Variants in SKOR2 observed in about 807,000 individuals in gnomAD.
SKOR2 encodes LBX1 corepressor 1-like protein.
SKOR2 carries 47 observed loss-of-function variants against 69.1 expected under a neutral mutation model. That is an observed-to-expected ratio of 0.68 (90% CI 0.54 to 0.87). The LOEUF is 0.87. Ranked by LOEUF, SKOR2 falls within the 40% of genes least tolerant of loss-of-function variation. The pLI is 0.00. For synonymous variants in SKOR2, 717 were observed against 672.6 expected, an observed-to-expected ratio of 1.07 and a Z score of -1.02; for missense variants, 1,404 against 1,472.2, an observed-to-expected ratio of 0.95 and a Z score of 0.76.
Position 47,233,178 on chromosome 18 carries a change from C to G in SKOR2, c.2753-2178G>C, listed in dbSNP as rs1244579645. ...CATCCCTAAGTTCCTTAATAGCAAG[C>G]ATCTTCTCTAATATCCAGATCAGAT... On this transcript the variant is annotated intron_variant, in intron 4 of 8. Transcript: ENST00000425639. Among the ~76,000 whole-genome samples the G allele has an allele frequency of 2.0e-5, 3 of 152,188 alleles. No individual in the cohort carries two copies. The East Asian group carries it at 5.8e-4, about 29-fold the overall frequency.
intron 4 of SKOR2, among the ~76,000 whole-genome samples, chr18:47,242,810 A>C (rs1568089714): frequency 6.6e-6 from 1 of 152,192 alleles, no homozygotes; most frequent in Non-Finnish European, 1.5e-5. Context: ...GAAGTCAAAA[A>C]CAAATTAAAA....
At chr18:47,241,688 T>C (rs2064249521) in intron 4 of SKOR2, among the ~76,000 whole-genome samples, 1 of 152,094 alleles carries the variant, frequency 6.6e-6, no homozygotes, top group African/African-American at 2.4e-5. Flanking sequence ...GATTCCAAGA[T>C]AAAGTTAACA....
At chr18:47,244,285 G>T (rs1312679030) in intron 4 of SKOR2, among the ~76,000 whole-genome samples, 1 of 152,076 alleles carries the variant, frequency 6.6e-6, no homozygotes, top group Non-Finnish European at 1.5e-5. Flanking sequence ...TCAATTAACC[G>T]TGAATAGTCA....
At chr18:47,218,757 T>A (rs912274111) in intron 7 of SKOR2, among the ~76,000 whole-genome samples, 1 of 152,124 alleles carries the variant, frequency 6.6e-6, no homozygotes, top group African/African-American at 2.4e-5. Flanking sequence ...TATCAAGGAA[T>A]CAAAAGCTAA....
rs1238457360 is a variant in SKOR2, at chr18:47,247,557, C to T, written c.1627G>A (p.Gly543Ser). 11 of 1,231,050 alleles carry T rather than the reference C, an allele frequency of 8.9e-6. No individual in the cohort carries two copies. In the East Asian group the frequency reaches 3.3e-4, roughly 37 times the overall value. The allele number at this position is 1,231,050 out of a possible 1,614,324, so 76.3% of individuals were successfully genotyped here. A position where few individuals can be genotyped will look rare whatever the true frequency, so the allele number is the denominator to read the frequency against. The change falls in exon 2 of 9, where the codon GGC becomes AGC. Residue 543 changes from glycine to serine, a missense_variant. Physicochemically the swap from Gly to Ser is moderately conservative, Grantham distance 56 (BLOSUM62 0). Coordinates refer to ENST00000425639, the MANE Select transcript of SKOR2 (RefSeq NM_001278063.4). The surrounding 1 kb of genome is among the most constrained non-coding windows in gnomAD (Gnocchi z 6.6). ...GCGCCCCCGGCAGGAGGAGGTGGGC[C>T]GGAGCCCGGGCCGTTGGCCACTACC... is the stretch of plus-strand genomic sequence containing the variant. The part of the protein sequence containing the change: ...PQVVANGPGS[G>S]PPPPAGGAGS...
intron 7 of SKOR2, among the ~76,000 whole-genome samples, chr18:47,214,363 T>C (rs1400103674): frequency 6.6e-6 from 1 of 152,150 alleles, no homozygotes; most frequent in Non-Finnish European, 1.5e-5. Flanking sequence ...ATAAGCATAT[T>C]TGAGTCCCAA....
At position 47,248,973 on chromosome 18, in the gene SKOR2, G is replaced by C. The variant is rs749588770; in HGVS notation, c.211C>G (p.Leu71Val). 1 of 1,570,372 alleles carries C rather than the reference G, an allele frequency of 6.4e-7. No individual in the cohort carries two copies. The highest frequency in any genetic ancestry group is 8.6e-7 in the Non-Finnish European group (1 of 1,165,230). The change falls in exon 2 of 9, where the codon CTG (leucine) becomes GTG (valine). Residue 71 changes from leucine (L) to valine (V), a missense_variant. This residue lies in a region of SKOR2 where 104 missense variants were observed against 95.7 expected (regional missense o/e 1.09). Transcript: ENST00000425639. This position sits in a 1 kb window ranked among gnomAD's most constrained non-coding sequence, Gnocchi z 6.4. The stretch of plus-strand genomic sequence containing the variant: ...TCGTTGTAGCTGAAGTTCTTGAGCA[G>C]AGTGTTGGAGATCTGCGCCAGGCAC... The part of the protein sequence containing the change: ...RLCLAQISNT[L>V]LKNFSYNEIH...
At chr18:47,243,933 T>C (rs2064259782) in intron 4 of SKOR2, among the ~76,000 whole-genome samples, 1 of 152,164 alleles carries the variant, frequency 6.6e-6, no homozygotes, top group South Asian at 2.1e-4. Context: ...CGAATATTGA[T>C]CAACACTTAT....
rs1213726834 is a variant in SKOR2 at position 47,247,947 on chromosome 18, C to T, written c.1237G>A (p.Ala413Thr). ...CACAAGCTGAAGGCGGCGGCCGCGG[C>T]AGGGAAGGTGTAGGGGTGCGGGAAG... ...GLFPHPYTFP[A>T]AAAAFSLCHK... Residue 413 changes from alanine to threonine, a missense_variant, in exon 2 of 9, where the codon GCC (alanine) becomes ACC (threonine). Transcript: ENST00000425639. This position sits in a 1 kb window ranked among gnomAD's most constrained non-coding sequence, Gnocchi z 6.6. 5.1e-6 allele frequency: 7 copies of T among 1,363,904 alleles called. No homozygotes were observed. The highest frequency in any genetic ancestry group is 5.6e-6 in the Non-Finnish European group (6 of 1,065,714). The allele number at this position is 1,363,904 out of a possible 1,614,324, so 84.5% of individuals were successfully genotyped here. A position where few individuals can be genotyped will look rare whatever the true frequency, so the allele number is the denominator to read the frequency against.
chr18:47,225,312 A>G (rs1015611094), intron 6 of SKOR2, among the ~76,000 whole-genome samples: 1 of 152,174 alleles, frequency 6.6e-6, no homozygotes, highest in South Asian at 2.1e-4. Context: ...CAGTTCTTGT[A>G]AGTGCCATGA....
intron 1 of SKOR2, among the ~76,000 whole-genome samples, chr18:47,250,482 A>G (rs1391747617): frequency 9.2e-5 from 14 of 152,266 alleles, no homozygotes. Context: ...TCTCAAGCGC[A>G]TTGGCCAAGG....
intron 5 of SKOR2, 120 bp from the exon 6 acceptor site, chr18:47,230,677 T>G: frequency 2.9e-6 from 2 of 692,290 alleles, no homozygotes; most frequent in Non-Finnish European, 4.4e-6. Context: ...AAGTGTTGCA[T>G]AGACATAGGA....
chr18:47,233,119 A>G (rs1186784972), intron 4 of SKOR2, among the ~76,000 whole-genome samples: 2 of 152,198 alleles, frequency 1.3e-5, no homozygotes, highest in Non-Finnish European at 2.9e-5. Flanking sequence ...GGACATATGC[A>G]TCATTAGAGG....
intron 4 of SKOR2, among the ~76,000 whole-genome samples, chr18:47,242,179 C>T (rs576959299): frequency 6.6e-6 from 1 of 152,156 alleles, no homozygotes; most frequent in South Asian, 2.1e-4. Flanking sequence ...AAAACAAACC[C>T]CTCTTAAAGC....
chr18:47,225,875 G>T (rs1443357999), intron 6 of SKOR2, among the ~76,000 whole-genome samples: 2 of 152,078 alleles, frequency 1.3e-5, no homozygotes, highest in African/African-American at 4.8e-5. Context: ...TGGGGGAGGG[G>T]CACACAATTA....
rs1260354883 is a variant in SKOR2 at position 47,251,577 on chromosome 18, C to T, written c.-251G>A. 1 of 152,212 alleles carries T rather than the reference C, an allele frequency of 6.6e-6. No homozygotes were observed. 9.4% of individuals were successfully genotyped at this position (152,212 alleles called of 1,614,324 possible). On this transcript the variant is annotated 5_prime_UTR_variant, in exon 1 of 9. Coordinates refer to ENST00000425639, the MANE Select transcript of SKOR2 (RefSeq NM_001278063.4). The stretch of plus-strand genomic sequence containing the variant: ...ACGGCCTGAATTGCGGCGGGGCGTC[C>T]CCTCCACCGCAGAAAGTGTGGGTAC...
rs1464931780 is a variant in SKOR2, at chr18:47,247,298, C to T, written c.1886G>A (p.Gly629Asp). 1.1e-5 allele frequency: 16 copies of T among 1,482,404 alleles called. No homozygotes were observed. Among genetic ancestry groups the T allele is most frequent in the Non-Finnish European group, 1.3e-5 (15 of 1,122,390 alleles). The allele number at this position is 1,482,404 out of a possible 1,614,324, so 91.8% of individuals were successfully genotyped here. Residue 629 changes from glycine to aspartate, a missense_variant, in exon 2 of 9, where the codon GGC (glycine) becomes GAC (aspartate). Coordinates refer to ENST00000425639, the MANE Select transcript of SKOR2 (RefSeq NM_001278063.4). This position sits in a 1 kb window ranked among gnomAD's most constrained non-coding sequence, Gnocchi z 6.6. ...GGCCAGGCTCTCCGCGTCGTCCTTG[C>T]CGCCCACTGGCCGGAAGGCGCTGGA... is the stretch of plus-strand genomic sequence containing the variant. ...HHSSAFRPVG[G>D]KDDAESLAKL...
chr18:47,247,583 T>G lies in SKOR2; in HGVS notation c.1601A>C (p.Gln534Pro). Residue 534 changes from glutamine (Q) to proline (P), a missense_variant, in exon 2 of 9, where the codon CAG (glutamine) becomes CCG (proline). By Grantham distance (76) the Gln-to-Pro change is moderately conservative. Around this residue, in one of 3 missense-constraint regions of SKOR2, gnomAD observed 1,266 missense variants for 1,309.9 expected, o/e 0.97. Coordinates refer to ENST00000425639, the MANE Select transcript of SKOR2 (RefSeq NM_001278063.4). The surrounding 1 kb of genome is among the most constrained non-coding windows in gnomAD (Gnocchi z 6.6). ...GGAGCCCGGGCCGTTGGCCACTACC[T>G]GCGGGGGCTGCCCCGGCGGGGGCGC... ...EAAPPPGQPP[Q>P]VVANGPGSGP... 8.0e-7 allele frequency: 1 copy of G among 1,257,344 alleles called. No individual in the cohort carries two copies. The highest frequency in any genetic ancestry group is 1.0e-6 in the Non-Finnish European group (1 of 1,003,572). The allele number at this position is 1,257,344 out of a possible 1,614,324, so 77.9% of individuals were successfully genotyped here. A position where few individuals can be genotyped will look rare whatever the true frequency, so the allele number is the denominator to read the frequency against.
chr18:47,231,610 G>C (rs1003792228), intron 4 of SKOR2, among the ~76,000 whole-genome samples: 1 of 152,074 alleles, frequency 6.6e-6, no homozygotes, highest in Admixed American at 6.6e-5. Flanking sequence ...TTGGGATGCC[G>C]AGGCGGGCAG....
Sources: gnomAD v4.1 joint callset for allele counts (sites outside exome capture counted in the v4.1 genomes callset) on GRCh38, gnomAD v4.1.1 for gene constraint, gnomAD v4.1.1 regional missense constraint, Gnocchi (gnomAD v3.1) non-coding constraint, MANE v1.5 for transcripts, NCBI Gene and HGNC (gene_info 2026-07-23, HGNC 2026-07-21) for gene names.